MAGI2: variants seen among roughly 807,000 people sequenced by gnomAD.
MAGI2 encodes the protein membrane-associated guanylate kinase, WW and PDZ domain-containing protein 2.
MAGI2 carries 35 observed loss-of-function variants against 133.3 expected under a neutral mutation model. The observed-to-expected ratio is 0.26, with a 90% CI of 0.20 to 0.35. MAGI2 has a LOEUF of 0.35. MAGI2 is among the 10% of genes least tolerant of loss of function. MAGI2 has a pLI of 1.00. For missense variants in MAGI2, 1,636 were observed against 1,863.4 expected (o/e 0.88, Z 2.25); for synonymous variants, 729 against 710.6 (o/e 1.03, Z -0.41).
intron 20 of MAGI2, among the ~76,000 whole-genome samples, chr7:78,116,651 G>A (rs573954487): frequency 1.3e-5 from 2 of 152,286 alleles, no homozygotes; most frequent in South Asian, 4.1e-4. Context: ...GGCTGAAGCA[G>A]TAGTATTGCT....
chr7:78,869,199 T>C (rs1369284744), intron 2 of MAGI2, among the ~76,000 whole-genome samples: 1 of 152,214 alleles, frequency 6.6e-6, no homozygotes, highest in Non-Finnish European at 1.5e-5. Flanking sequence ...TGTCTGTTTA[T>C]TTTGCTGTGC....
rs75333163 is a variant in MAGI2 at position 79,141,734 on chromosome 7, G to A, written c.302-134528C>T. ...TTCACCATCACAAAGTTGAATTCTC[G>A]TTGGCTTTGTTCGTGTTTTTTTTTT... On this transcript the variant is annotated intron_variant, in intron 1 of 21. Coordinates refer to ENST00000354212, the MANE Select transcript of MAGI2 (RefSeq NM_012301.4). Among the ~76,000 whole-genome samples, 51 of 150,148 alleles carry A rather than the reference G, an allele frequency of 3.4e-4. No homozygotes were observed. The East Asian group carries it at 6.0e-3, about 18-fold the overall frequency.
intron 1 of MAGI2, among the ~76,000 whole-genome samples, chr7:79,215,088 T>G (rs77468567): frequency 0.028 from 4,235 of 151,564 alleles, 95 homozygotes; most frequent in Middle Eastern, 0.048. Flanking sequence ...GCAGAAAAAC[T>G]AGTTCAGGTC....
chr7:78,340,597 G>A (rs1790267171), intron 9 of MAGI2, among the ~76,000 whole-genome samples: 1 of 152,304 alleles, frequency 6.6e-6, no homozygotes, highest in East Asian at 1.9e-4. Context: ...ACATCAAAAA[G>A]CTTTTCCATC....
intron 6 of MAGI2, among the ~76,000 whole-genome samples, chr7:78,453,131 C>A (rs116845085): frequency 6.6e-6 from 1 of 152,100 alleles, no homozygotes; most frequent in Non-Finnish European, 1.5e-5. Flanking sequence ...TCACAGCTCT[C>A]CTGACTTTGC....
At chr7:78,695,487 T>C (rs1817414267) in intron 2 of MAGI2, among the ~76,000 whole-genome samples, 1 of 152,172 alleles carries the variant, frequency 6.6e-6, no homozygotes, top group African/African-American at 2.4e-5. Flanking sequence ...GTGGCAGCCT[T>C]CACATACCCT....
intron 3 of MAGI2, among the ~76,000 whole-genome samples, chr7:78,553,223 T>C (rs1031992559): frequency 6.6e-6 from 1 of 152,178 alleles, no homozygotes. Context: ...AGTCTTACAA[T>C]TGTAATATAC....
intron 2 of MAGI2, among the ~76,000 whole-genome samples, chr7:78,734,758 G>T (rs983810428): frequency 1.3e-5 from 2 of 152,102 alleles, no homozygotes; most frequent in Non-Finnish European, 2.9e-5. Flanking sequence ...AAACACGTGG[G>T]GGCAGATCTG....
chr7:78,019,050 G>T lies in MAGI2; in HGVS notation c.*265C>A. The T allele has an allele frequency of 2.2e-6, 1 of 446,972 alleles. No individual in the cohort carries two copies. The allele number at this position is 446,972 out of a possible 1,614,324, so 27.7% of individuals were successfully genotyped here. A position where few individuals can be genotyped will look rare whatever the true frequency, so the allele number is the denominator to read the frequency against. On this transcript the variant is annotated 3_prime_UTR_variant, in exon 22 of 22. Coordinates refer to ENST00000354212, the MANE Select transcript of MAGI2 (RefSeq NM_012301.4). Reference sequence around the variant, plus strand: ...AAGCTACACTGCACTGTCTCTCTGTGATGTTCTTCACGTTATTTTGGTTCT... The same window carrying T: ...AAGCTACACTGCACTGTCTCTCTGTTATGTTCTTCACGTTATTTTGGTTCT...
chr7:78,398,515 T>C (rs1159561937), intron 6 of MAGI2, among the ~76,000 whole-genome samples: 2 of 152,202 alleles, frequency 1.3e-5, no homozygotes, highest in Non-Finnish European at 2.9e-5. Flanking sequence ...TTCCTGACTA[T>C]AGACCCCCGA....
At chr7:78,532,642 T>C (rs118136122) in intron 3 of MAGI2, among the ~76,000 whole-genome samples, 184 of 152,374 alleles carry the variant, frequency 1.2e-3, no homozygotes, top group South Asian at 3.5e-3. Flanking sequence ...CACCTTGTGA[T>C]CTGTGTGACA....
At chr7:78,806,092 C>T (rs991871416) in intron 2 of MAGI2, among the ~76,000 whole-genome samples, 1 of 152,130 alleles carries the variant, frequency 6.6e-6, no homozygotes, top group Non-Finnish European at 1.5e-5. Flanking sequence ...TGACAGCTGA[C>T]TTGTTGGATA....
intron 2 of MAGI2, among the ~76,000 whole-genome samples, chr7:78,865,450 C>T (rs370030485): frequency 3.8e-4 from 58 of 152,154 alleles, no homozygotes; most frequent in African/African-American, 1.3e-3. Flanking sequence ...GGGGTGGTTG[C>T]TAATATTTGG....
At chr7:79,415,776 C>T (rs958592978) in intron 1 of MAGI2, 3 of 152,136 alleles carry the variant, frequency 2.0e-5, no homozygotes, top group Admixed American at 6.6e-5. Flanking sequence ...TTTCCTCCCT[C>T]ACCATTGGGT....
intron 20 of MAGI2, among the ~76,000 whole-genome samples, chr7:78,120,371 C>A (rs1820314786): frequency 1.3e-5 from 2 of 152,112 alleles, no homozygotes; most frequent in South Asian, 4.1e-4. Context: ...CCACTGCACT[C>A]CAGCCCAGGC....
chr7:78,707,700 C>T (rs950196350), intron 2 of MAGI2, among the ~76,000 whole-genome samples: 4 of 152,118 alleles, frequency 2.6e-5, no homozygotes, highest in Non-Finnish European at 5.9e-5. Context: ...ATAGAGTTTC[C>T]TATTTGAATT....
chr7:78,335,682 A>C (rs577864812), intron 9 of MAGI2, among the ~76,000 whole-genome samples: 1 of 152,168 alleles, frequency 6.6e-6, no homozygotes, highest in African/African-American at 2.4e-5. Context: ...AAGACAAAAA[A>C]ATGACCAGAA....
chr7:78,984,070 G>A (rs905303651), intron 2 of MAGI2, among the ~76,000 whole-genome samples: 2 of 151,960 alleles, frequency 1.3e-5, no homozygotes, highest in East Asian at 3.9e-4. Context: ...GAAATGGACT[G>A]CATTAGTCCA....
At chr7:78,736,499 G>A (rs536413656) in intron 2 of MAGI2, among the ~76,000 whole-genome samples, 1 of 152,230 alleles carries the variant, frequency 6.6e-6, no homozygotes, top group African/African-American at 2.4e-5. Flanking sequence ...TCATTAGTGA[G>A]GCAACAATCT....
Sources: gnomAD v4.1 joint callset for allele counts (sites outside exome capture counted in the v4.1 genomes callset) on GRCh38, gnomAD v4.1.1 for gene constraint, MANE v1.5 for transcripts, NCBI Gene and HGNC (gene_info 2026-07-23, HGNC 2026-07-21) for gene names.